Variants in POSTN observed in about 807,000 individuals in gnomAD.
POSTN encodes the protein osteoblast specific factor 2 (fasciclin I-like).
Under a neutral mutation model 104.5 loss-of-function variants are expected in POSTN, and 71 were observed. That is an observed-to-expected ratio of 0.68 (90% CI 0.56 to 0.83). POSTN has a LOEUF of 0.83. Among genes scored for constraint, POSTN ranks in the 40% least tolerant of loss-of-function variants. The probability of loss-of-function intolerance (pLI) is 0.00; values close to 1 mark genes in which losing one functional copy is unlikely to be tolerated. For synonymous variants in POSTN, 355 were observed against 340.7 expected, an observed-to-expected ratio of 1.04 and a Z score of -0.46; for missense variants, 949 against 1,006.8, an observed-to-expected ratio of 0.94 and a Z score of 0.78.
intron 17 of POSTN, among the ~76,000 whole-genome samples, chr13:37,571,945 A>ACCAAATGTGGTACTAG (rs1950273247): frequency 6.6e-6 from 1 of 151,642 alleles, no homozygotes; most frequent in Non-Finnish European, 1.5e-5. Flanking sequence ...TGAACATAAG[A>ACCAAATGTGGTACTAG]AAGTACCAAA....
At chr13:37,596,209 G>A (rs1951081318) in intron 2 of POSTN, among the ~76,000 whole-genome samples, 1 of 152,112 alleles carries the variant, frequency 6.6e-6, no homozygotes. Context: ...TATTAAGCAG[G>A]TTCTTCCTGG....
Position 37,580,601 on chromosome 13 carries a change from T to A in POSTN, c.1489A>T (p.Lys497Ter). 6.2e-7 allele frequency: 1 copy of A among 1,614,144 alleles called. No homozygotes were observed. Among genetic ancestry groups the A allele is most frequent in the South Asian group, 1.1e-5 (1 of 91,080 alleles). Residue 497 changes from lysine to a stop codon, truncating the protein, a stop_gained, in exon 11 of 23, where the codon AAA becomes TAA. Coordinates refer to ENST00000379747, the MANE Select transcript of POSTN (RefSeq NM_006475.3). LOFTEE classifies it high-confidence loss of function. ...IFREIIKPAE[K>*]SLHEKLKQDK... ...TGTTTTAACTTTTCATGGAGGGATT[T>A]CTCTGCTGGCTTGATGATCTCGCGG...
At chr13:37,570,902 C>T in intron 18 of POSTN, 1 of 442,630 alleles carries the variant, frequency 2.3e-6, no homozygotes. Flanking sequence ...TCCTAACTCT[C>T]CATGTCATAC....
chr13:37,580,013 G>A, intron 11 of POSTN, 22 bp from the exon 12 acceptor site: 4 of 1,606,542 alleles, frequency 2.5e-6, no homozygotes, highest in Non-Finnish European at 3.4e-6. Context: ...GAATGTATAT[G>A]TATTTTGTCA....
intron 2 of POSTN, among the ~76,000 whole-genome samples, chr13:37,592,582 G>A (rs1480315412): frequency 8.5e-5 from 13 of 152,190 alleles, no homozygotes; most frequent in African/African-American, 3.1e-4. Flanking sequence ...ACAGGCATGA[G>A]CCACTGCGCC....
chr13:37,570,870 T>C (rs776936646), intron 18 of POSTN: 54 of 467,620 alleles, frequency 1.2e-4, no homozygotes, highest in Non-Finnish European at 1.8e-4. Flanking sequence ...GAATCTTGGT[T>C]GAGAGAGAGG....
At chr13:37,594,712 G>A (rs1650144978) in intron 2 of POSTN, among the ~76,000 whole-genome samples, 1 of 151,804 alleles carries the variant, frequency 6.6e-6, no homozygotes, top group East Asian at 1.9e-4. Context: ...GAAGCTTCAC[G>A]TTTTTCATTA....
intron 10 of POSTN, among the ~76,000 whole-genome samples, chr13:37,581,025 T>C (rs1950572481): frequency 6.6e-6 from 1 of 152,220 alleles, no homozygotes. Flanking sequence ...CTAGACCCTC[T>C]TTTGGCCAAC....
chr13:37,582,402 G>A lies in POSTN; in HGVS notation c.1356C>T (p.Ile452=), dbSNP rs376743583. 46 of 1,613,592 alleles carry A rather than the reference G, an allele frequency of 2.9e-5. No individual in the cohort carries two copies. The highest frequency in any genetic ancestry group is 4.0e-5 in the African/African-American group (3 of 74,878). The change falls in exon 10 of 23, where the codon ATC becomes ATT. Residue 452 remains isoleucine, a synonymous_variant. Coordinates refer to ENST00000379747, the MANE Select transcript of POSTN (RefSeq NM_006475.3). ...CGAAGACTCTGAGCTGTTTGCCTCCGATGGTTTCCAGTATTTGCCCGTTGT... is the reference window on the plus strand; with the variant it reads ...CGAAGACTCTGAGCTGTTTGCCTCCAATGGTTTCCAGTATTTGCCCGTTGT... ...ELYNGQILET[I]GGKQLRVFVY...
At chr13:37,592,810 G>A (rs1950978576) in intron 2 of POSTN, among the ~76,000 whole-genome samples, 1 of 152,080 alleles carries the variant, frequency 6.6e-6, no homozygotes, top group African/African-American at 2.4e-5. Context: ...TCTACTCACA[G>A]AGTAATTGTG....
chr13:37,568,295 AT>A (rs984472757), intron 21 of POSTN, among the ~76,000 whole-genome samples: 9 of 152,228 alleles, frequency 5.9e-5, no homozygotes, highest in African/African-American at 2.2e-4. Context: ...TCTAAATACT[AT>A]TTAAGAGATT....
intron 1 of POSTN, among the ~76,000 whole-genome samples, chr13:37,597,892 A>AG (rs2138425600): frequency 6.6e-6 from 1 of 152,274 alleles, no homozygotes; most frequent in Admixed American, 6.5e-5. Flanking sequence ...TTCCCCTCTT[A>AG]AAGGGACAGA....
In POSTN at chr13:37,586,259, T is replaced by C. The variant is rs775391230; in HGVS notation, c.775A>G (p.Ile259Val). The change falls in exon 7 of 23, where the codon ATA becomes GTA. Residue 259 changes from isoleucine (I) to valine (V), a missense_variant. Physicochemically the swap from Ile to Val is conservative, Grantham distance 29 (BLOSUM62 3). Coordinates refer to ENST00000379747, the MANE Select transcript of POSTN (RefSeq NM_006475.3). Reference protein sequence around the residue: ...SFRAAAITSDILEALGRDGHF... With the variant: ...SFRAAAITSDVLEALGRDGHF... Reference sequence around the variant, plus strand: ...CCGTCTCTTCCAAGGGCCTCCAATATGTCCGATGTGATGGCAGCTGCCTGA... The same window carrying C: ...CCGTCTCTTCCAAGGGCCTCCAATACGTCCGATGTGATGGCAGCTGCCTGA... 17 of 1,611,262 alleles carry C rather than the reference T, an allele frequency of 1.1e-5. 1 individual carries two copies. In the East Asian group the frequency reaches 1.8e-4, roughly 17 times the overall value.
intron 9 of POSTN, among the ~76,000 whole-genome samples, chr13:37,583,227 A>T (rs1950648285): frequency 2.0e-5 from 3 of 152,112 alleles, no homozygotes; most frequent in African/African-American, 7.2e-5. Flanking sequence ...CATGATATGG[A>T]AGTGTATAAG....
At chr13:37,579,412 G>A (rs1471778198) in intron 12 of POSTN, 53 bp from the exon 13 acceptor site, 21 of 1,399,008 alleles carry the variant, frequency 1.5e-5, no homozygotes, top group Non-Finnish European at 2.0e-5. Flanking sequence ...TTTTGATAAG[G>A]ACTAAGAAAC....
At chr13:37,567,698 T>A (rs1292490525) in intron 21 of POSTN, among the ~76,000 whole-genome samples, 2 of 152,154 alleles carry the variant, frequency 1.3e-5, no homozygotes, top group Admixed American at 6.5e-5. Context: ...CACTGGGAAC[T>A]AAAGGAATAA....
intron 2 of POSTN, among the ~76,000 whole-genome samples, chr13:37,593,373 T>C (rs1460092984): frequency 6.6e-6 from 1 of 150,994 alleles, no homozygotes; most frequent in Non-Finnish European, 1.5e-5. Flanking sequence ...CTGGACTTCA[T>C]CATCTAACAT....
chr13:37,596,120 C>T (rs576780445), intron 2 of POSTN, among the ~76,000 whole-genome samples: 1 of 151,992 alleles, frequency 6.6e-6, no homozygotes, highest in African/African-American at 2.4e-5. Flanking sequence ...AGGATTTATA[C>T]CAATATTATT....
chr13:37,574,466 C>T (rs1377409316), intron 17 of POSTN, 106 bp downstream of exon 17: 4 of 1,398,652 alleles, frequency 2.9e-6, no homozygotes, highest in African/African-American at 1.5e-5. Flanking sequence ...GGTTATATAA[C>T]ATTTAACATG....
Sources: allele counts gnomAD v4.1 joint callset (sites outside exome capture counted in the v4.1 genomes callset), GRCh38; gene constraint gnomAD v4.1.1; transcripts MANE v1.5; gene names NCBI Gene and HGNC (gene_info 2026-07-23, HGNC 2026-07-21).